The following RTN1 variants were observed in gnomAD, a reference collection of about 807,000 sequenced individuals.
The protein encoded by RTN1 is reticulon 1.
In RTN1, 25 loss-of-function variants were observed where a neutral mutation model predicts 65.5. The observed-to-expected ratio is 0.38, with a 90% CI of 0.28 to 0.53. RTN1 has a LOEUF of 0.53. Ranked by LOEUF, RTN1 falls within the 20% of genes least tolerant of loss-of-function variation. RTN1 has a pLI of 0.79. For synonymous variants in RTN1, 471 were observed against 447.6 expected, an observed-to-expected ratio of 1.05 and a Z score of -0.66; for missense variants, 983 against 1,025.4, an observed-to-expected ratio of 0.96 and a Z score of 0.57.
At chr14:59,658,065 G>C (rs1883160913) in intron 3 of RTN1, among the ~76,000 whole-genome samples, 1 of 152,236 alleles carries the variant, frequency 6.6e-6, no homozygotes, top group South Asian at 2.1e-4. Flanking sequence ...GGGGGGAGGG[G>C]CATCCGCCAT....
chr14:59,782,608 AATT>A (rs1165733123), intron 1 of RTN1, among the ~76,000 whole-genome samples: 3 of 152,216 alleles, frequency 2.0e-5, no homozygotes, highest in Non-Finnish European at 2.9e-5. Flanking sequence ...TTACCTAATT[AATT>A]ATTAAGAGCC....
At chr14:59,665,614 G>T (rs1009588058) in intron 3 of RTN1, among the ~76,000 whole-genome samples, 1 of 152,120 alleles carries the variant, frequency 6.6e-6, no homozygotes, top group Non-Finnish European at 1.5e-5. Flanking sequence ...ATGTAAATGG[G>T]CTAAATGCCC....
At chr14:59,674,305 A>G (rs1171984140) in intron 3 of RTN1, among the ~76,000 whole-genome samples, 1 of 152,204 alleles carries the variant, frequency 6.6e-6, no homozygotes, top group East Asian at 1.9e-4. Context: ...TAGTTTTCCA[A>G]ATTCTAATTT....
intron 3 of RTN1, among the ~76,000 whole-genome samples, chr14:59,690,247 T>C (rs1883932548): frequency 6.8e-6 from 1 of 147,504 alleles, no homozygotes; most frequent in Non-Finnish European, 1.5e-5. Flanking sequence ...ACAGATAGGA[T>C]CAAAGGAAAG....
At chr14:59,858,441 A>G (rs1013775323) in intron 1 of RTN1, among the ~76,000 whole-genome samples, 2 of 152,072 alleles carry the variant, frequency 1.3e-5, no homozygotes, top group Admixed American at 6.5e-5. Flanking sequence ...GAATCATTCA[A>G]ATACACATAA....
At chr14:59,704,329 A>G (rs9323353) in intron 3 of RTN1, among the ~76,000 whole-genome samples, 58,376 of 151,992 alleles carry the variant, frequency 0.38, 11,409 homozygotes, top group Middle Eastern at 0.48. Flanking sequence ...AAGATTATGC[A>G]ACATTGCTCA....
intron 3 of RTN1, among the ~76,000 whole-genome samples, chr14:59,713,108 G>A (rs777383795): frequency 1.7e-4 from 26 of 152,026 alleles, no homozygotes; most frequent in Non-Finnish European, 2.8e-4. Context: ...CAAAAAAATC[G>A]AAATGCAGAC....
intron 3 of RTN1, among the ~76,000 whole-genome samples, chr14:59,682,051 G>C (rs1421641481): frequency 6.6e-6 from 1 of 152,132 alleles, no homozygotes; most frequent in Non-Finnish European, 1.5e-5. Flanking sequence ...TAAGAAGCTA[G>C]AAGATCCAGC....
At chr14:59,721,367 TC>T (rs1352638555) in intron 3 of RTN1, among the ~76,000 whole-genome samples, 1 of 152,200 alleles carries the variant, frequency 6.6e-6, no homozygotes, top group Non-Finnish European at 1.5e-5. Context: ...AACAGCTGAG[TC>T]CCCCTCAGCA....
At chr14:59,634,907 TG>T (rs945420006) in intron 3 of RTN1, among the ~76,000 whole-genome samples, 24 of 152,148 alleles carry the variant, frequency 1.6e-4, no homozygotes, top group African/African-American at 5.8e-4. Context: ...ATTACAGAAA[TG>T]TGCAGGGGCT....
At chr14:59,863,855 T>A (rs773911600) in intron 1 of RTN1, among the ~76,000 whole-genome samples, 3 of 152,228 alleles carry the variant, frequency 2.0e-5, no homozygotes, top group Non-Finnish European at 2.9e-5. Context: ...CCAAAAATCA[T>A]GGCATGTCCC....
At chr14:59,691,233 T>C (rs920251586) in intron 3 of RTN1, among the ~76,000 whole-genome samples, 4 of 151,908 alleles carry the variant, frequency 2.6e-5, no homozygotes, top group Non-Finnish European at 5.9e-5. Context: ...ATAAGCACAA[T>C]CAGTAGCAAA....
intron 1 of RTN1, among the ~76,000 whole-genome samples, chr14:59,798,570 ATC>A (rs143420026): frequency 1.6e-4 from 24 of 149,052 alleles, no homozygotes; most frequent in Non-Finnish European, 2.1e-4. Context: ...ACATCTCCCA[ATC>A]TCTCTCTCTC....
intron 1 of RTN1, among the ~76,000 whole-genome samples, chr14:59,850,768 AC>A (rs1209845010): frequency 6.6e-6 from 1 of 152,234 alleles, no homozygotes; most frequent in Non-Finnish European, 1.5e-5. Context: ...TACAGTCCTT[AC>A]TATGTCTCAA....
chr14:59,651,691 T>C (rs1457684376), intron 3 of RTN1, among the ~76,000 whole-genome samples: 1 of 151,912 alleles, frequency 6.6e-6, no homozygotes, highest in Non-Finnish European at 1.5e-5. Flanking sequence ...TGAGCCGAGA[T>C]TGCACCACTG....
At chr14:59,807,438 C>T (rs1244803887) in intron 1 of RTN1, among the ~76,000 whole-genome samples, 1 of 152,184 alleles carries the variant, frequency 6.6e-6, no homozygotes, top group Non-Finnish European at 1.5e-5. Flanking sequence ...TAATGCCCCA[C>T]AAAAGATTCA....
In RTN1 at chr14:59,730,411, T is replaced by C. The variant is rs1488665369; in HGVS notation, c.1016-2743A>G. 2.0e-5 allele frequency among the ~76,000 whole-genome samples: 3 copies of C among 152,124 alleles called. 1 individual carries two copies. In the South Asian group the frequency reaches 6.2e-4, roughly 31 times the overall value. On this transcript the variant is annotated intron_variant, in intron 2 of 8. Transcript: ENST00000267484. ...AATAGCCTAAATATAAGAGCTAAAA[T>C]CATAAAACTCTAGAAGAAAACATAG...
intron 1 of RTN1, among the ~76,000 whole-genome samples, chr14:59,832,680 C>A (rs1338345025): frequency 6.6e-6 from 1 of 152,232 alleles, no homozygotes; most frequent in Non-Finnish European, 1.5e-5. Flanking sequence ...CTGCTCTCCT[C>A]ATTTAGATTG....
At chr14:59,812,626 A>C (rs528475084) in intron 1 of RTN1, among the ~76,000 whole-genome samples, 126 of 152,290 alleles carry the variant, frequency 8.3e-4, no homozygotes, top group African/African-American at 2.7e-3. Flanking sequence ...GTGTATTCCC[A>C]TGTTGGTCAA....
Sources: allele counts gnomAD v4.1 joint callset (sites outside exome capture counted in the v4.1 genomes callset), GRCh38; gene constraint gnomAD v4.1.1; transcripts MANE v1.5; gene names NCBI Gene and HGNC (gene_info 2026-07-23, HGNC 2026-07-21).